UGGT1: variants seen among roughly 807,000 people sequenced by gnomAD.
UGGT1 encodes the protein UDP-glucose:glycoprotein glucosyltransferase 1.
A neutral mutation model predicts 203.9 loss-of-function variants in UGGT1; 107 were observed. The ratio of observed to expected loss-of-function variants is 0.52; its 90% CI spans 0.45 to 0.62. The LOEUF is 0.62. Among genes scored for constraint, UGGT1 ranks in the 20% least tolerant of loss-of-function variants. UGGT1 has a pLI of 0.00. For missense variants in UGGT1, 1,673 were observed against 1,867.2 expected, an observed-to-expected ratio of 0.90 and a Z score of 1.92; for synonymous variants, 628 against 653.5, an observed-to-expected ratio of 0.96 and a Z score of 0.59.
At chr2:128,100,353 C>T (rs1158674976) in intron 2 of UGGT1, among the ~76,000 whole-genome samples, 1 of 149,712 alleles carries the variant, frequency 6.7e-6, no homozygotes, top group South Asian at 2.1e-4. Context: ...TTTACTATCA[C>T]TTTCTGAATC....
At chr2:128,104,908 A>G (rs866123072) in intron 3 of UGGT1, among the ~76,000 whole-genome samples, 18 of 152,292 alleles carry the variant, frequency 1.2e-4, no homozygotes, top group African/African-American at 4.3e-4. Context: ...CAGCCTCCCA[A>G]AGTGCTGGGA....
intron 26 of UGGT1, 81 bp downstream of exon 26, chr2:128,164,906 C>A: frequency 1.9e-6 from 2 of 1,049,218 alleles, no homozygotes; most frequent in South Asian, 1.8e-5. Flanking sequence ...CTTCATTTTT[C>A]CATATAAGAT....
At chr2:128,130,206 A>C (rs145851307) in intron 13 of UGGT1, among the ~76,000 whole-genome samples, 1,630 of 150,748 alleles carry the variant, frequency 0.011, 15 homozygotes, top group Non-Finnish European at 0.015. Flanking sequence ...GGTTACAGGT[A>C]GCTGAGATCA....
intron 28 of UGGT1, 35 bp from the exon 29 acceptor site, chr2:128,172,538 C>A (rs191846614): frequency 3.7e-6 from 6 of 1,608,186 alleles, no homozygotes; most frequent in Non-Finnish European, 5.1e-6. Context: ...GTTGTCACAT[C>A]GAAAATTATC....
intron 34 of UGGT1, 87 bp downstream of exon 34, chr2:128,178,656 C>A: frequency 8.9e-7 from 1 of 1,123,042 alleles, no homozygotes. Flanking sequence ...TGGGATTCTG[C>A]TCATTATACT....
At chr2:128,155,898 G>A (rs1558801208) in intron 20 of UGGT1, among the ~76,000 whole-genome samples, 1 of 152,288 alleles carries the variant, frequency 6.6e-6, no homozygotes, top group Non-Finnish European at 1.5e-5. Context: ...GTAAAAATGG[G>A]TTAATGAATT....
chr2:128,116,376 C>T lies in UGGT1; in HGVS notation c.872+33C>T, dbSNP rs777276650. The T allele has an allele frequency of 2.8e-6, 4 of 1,410,856 alleles. No individual in the cohort carries two copies. The African/African-American group carries it at 4.2e-5, about 15-fold the overall frequency. 87.4% of individuals were successfully genotyped at this position (1,410,856 alleles called of 1,614,324 possible). A position where few individuals can be genotyped will look rare whatever the true frequency, so the allele number is the denominator to read the frequency against. On this transcript the variant is annotated intron_variant, in intron 8 of 40. Transcript: ENST00000259253. The stretch of plus-strand genomic sequence containing the variant: ...TGTTCTGTGTATTTTGGGAAACGCC[C>T]TCATTTTCTTTAAGCCTCCAGGCTT...
intron 2 of UGGT1, chr2:128,103,038 C>G (rs144293687): frequency 3.5e-4 from 163 of 470,566 alleles, no homozygotes; most frequent in African/African-American, 2.8e-3. Flanking sequence ...CTGTGCATTA[C>G]CAGGAAATGT....
intron 2 of UGGT1, among the ~76,000 whole-genome samples, chr2:128,102,031 G>T (rs1430513374): frequency 1.3e-5 from 2 of 152,068 alleles, no homozygotes; most frequent in African/African-American, 2.4e-5. Flanking sequence ...CCATCATCCT[G>T]TTTTAACAAT....
At chr2:128,167,905 G>A (rs1690875183) in intron 26 of UGGT1, among the ~76,000 whole-genome samples, 1 of 152,106 alleles carries the variant, frequency 6.6e-6, no homozygotes, top group Admixed American at 6.5e-5. Context: ...GGCTCAGAAT[G>A]TGAACATGTT....
rs758438177 is a variant in UGGT1, at chr2:128,173,810, G to A, written c.3324G>A (p.Glu1108=). 6.2e-7 allele frequency: 1 copy of A among 1,614,136 alleles called. No homozygotes were observed. The highest frequency in any genetic ancestry group is 8.5e-7 in the Non-Finnish European group (1 of 1,180,024). ...ACAGTGTAGTGGCTGCTGAGTATGA[G>A]CTGGAATACCTGTTACTGGAAGGTC... The part of the protein sequence containing the change: ...EVDSVVAAEY[E]LEYLLLEGHC... The change falls in exon 30 of 41, where the codon GAG becomes GAA. Residue 1108 remains glutamate (E), a synonymous_variant. Coordinates refer to ENST00000259253, the MANE Select transcript of UGGT1 (RefSeq NM_020120.4).
At chr2:128,134,800 A>T (rs1467130175) in intron 14 of UGGT1, 76 bp from the exon 15 acceptor site, 12 of 1,327,052 alleles carry the variant, frequency 9.0e-6, no homozygotes, top group Non-Finnish European at 1.3e-5. Flanking sequence ...ATGTACAGTG[A>T]CTCATAACAT....
intron 18 of UGGT1, among the ~76,000 whole-genome samples, chr2:128,146,593 A>G (rs1331179404): frequency 6.6e-6 from 1 of 152,020 alleles, no homozygotes; most frequent in Non-Finnish European, 1.5e-5. Context: ...TTGAGATATA[A>G]TTCAGACAGT....
intron 26 of UGGT1, among the ~76,000 whole-genome samples, chr2:128,166,888 C>G (rs1690822862): frequency 6.6e-6 from 1 of 152,098 alleles, no homozygotes; most frequent in Admixed American, 6.5e-5. Context: ...ATGGATTGGA[C>G]TTTGGTTTAG....
Position 128,186,690 on chromosome 2 carries a change from C to A in UGGT1, c.4367C>A (p.Pro1456His). The stretch of plus-strand genomic sequence containing the variant: ...TTTTTTTTAACCAAACAGGATCTGC[C>A]CAATAACATGATTCATCAGGTGCCA... ...NSLSNLDQDLPNNMIHQVPIK... is the reference protein window; with the variant it reads ...NSLSNLDQDLHNNMIHQVPIK... Residue 1456 changes from proline (P) to histidine (H), a missense_variant, in exon 39 of 41, where the codon CCC (proline) becomes CAC (histidine). Transcript: ENST00000259253. 6.2e-7 allele frequency: 1 copy of A among 1,611,614 alleles called. No homozygotes were observed. Among genetic ancestry groups the A allele is most frequent in the Non-Finnish European group, 8.5e-7 (1 of 1,178,576 alleles).
intron 3 of UGGT1, 43 bp downstream of exon 3, chr2:128,104,057 A>G: frequency 6.9e-7 from 1 of 1,448,840 alleles, no homozygotes; most frequent in South Asian, 1.3e-5. Flanking sequence ...GTGTCTGGGA[A>G]AATATTAGGA....
chr2:128,174,971 G>C (rs1691301271), intron 31 of UGGT1, 113 bp downstream of exon 31: 1 of 841,524 alleles, frequency 1.2e-6, no homozygotes, highest in Non-Finnish European at 1.8e-6. Flanking sequence ...ATTTGCAGTT[G>C]TATGTGATGA....
Position 128,109,729 on chromosome 2 carries a change from A to G in UGGT1, c.504A>G (p.Leu168=), listed in dbSNP as rs1687764922. 6.2e-7 allele frequency: 1 copy of G among 1,613,476 alleles called. No homozygotes were observed. The highest frequency in any genetic ancestry group is 8.5e-7 in the Non-Finnish European group (1 of 1,179,388). ...AATCTGATACCCTTGAGGCTCTTCT[A>G]CTGACAGCCTCTGAAAGGTAGATTA... The part of the protein sequence containing the change: ...TCESDTLEAL[L]LTASERPKPL... The change falls in exon 5 of 41, where the codon CTA becomes CTG. Residue 168 remains leucine, a synonymous_variant. Coordinates refer to ENST00000259253, the MANE Select transcript of UGGT1 (RefSeq NM_020120.4).
intron 30 of UGGT1, 64 bp from the exon 31 acceptor site, chr2:128,174,709 G>T (rs1307949826): frequency 1.6e-6 from 2 of 1,268,982 alleles, no homozygotes; most frequent in Non-Finnish European, 2.3e-6. Flanking sequence ...AGAAGTAACT[G>T]TTCCTCAGAA....
Sources: gnomAD v4.1 joint callset for allele counts (sites outside exome capture counted in the v4.1 genomes callset) on GRCh38, gnomAD v4.1.1 for gene constraint, MANE v1.5 for transcripts, NCBI Gene and HGNC (gene_info 2026-07-23, HGNC 2026-07-21) for gene names.